The following AHDC1 variants were observed in gnomAD, a reference collection of about 807,000 sequenced individuals.
AHDC1 encodes the protein AT-hook DNA binding motif containing 1.
Under a neutral mutation model 87.9 loss-of-function variants are expected in AHDC1, and 7 were observed. The ratio of observed to expected loss-of-function variants is 0.08; its 90% CI spans 0.05 to 0.15. The LOEUF (loss-of-function observed/expected upper bound fraction) is 0.15, where lower values mean the gene tolerates loss of function less well. Ranked by LOEUF, AHDC1 falls within the 10% of genes least tolerant of loss-of-function variation. AHDC1 has a pLI of 1.00. For synonymous variants in AHDC1, 1,051 were observed against 1,006.8 expected (o/e 1.04, Z -0.83); for missense variants, 1,841 against 2,253.2 (o/e 0.82, Z 3.70).
intron 5 of AHDC1, among the ~76,000 whole-genome samples, chr1:27,555,059 T>C (rs145589608): frequency 3.3e-5 from 5 of 152,336 alleles, no homozygotes; most frequent in East Asian, 1.9e-4. Context: ...GTAACAATCC[T>C]TCAGCCACTT....
At position 27,561,085 on chromosome 1, in the gene AHDC1, C is replaced by T. The variant is rs540983260; in HGVS notation, c.-628-2202G>A. Among the ~76,000 whole-genome samples the T allele has an allele frequency of 1.3e-5, 2 of 152,304 alleles. No homozygotes were observed. Among genetic ancestry groups the T allele is most frequent in the South Asian group, 4.2e-4 (2 of 4,818 alleles). On this transcript the variant is annotated intron_variant, in intron 3 of 8. Transcript: ENST00000673934. The surrounding 1 kb of genome is among the most constrained non-coding windows in gnomAD (Gnocchi z 4.2). ...GCCTCCCTCCTCTGATCTGTCCCCC[C>T]TTTCCCTGTGGTTGGGTGGGCACAG...
intron 3 of AHDC1, among the ~76,000 whole-genome samples, chr1:27,578,247 A>C (rs1327520417): frequency 1.3e-5 from 2 of 152,168 alleles, no homozygotes; most frequent in East Asian, 3.9e-4. Context: ...AATTTTTATA[A>C]GGCTTATACA....
chr1:27,588,403 C>T (rs1206907846), intron 3 of AHDC1, among the ~76,000 whole-genome samples: 1 of 152,202 alleles, frequency 6.6e-6, no homozygotes, highest in Non-Finnish European at 1.5e-5. Flanking sequence ...ATCATCAATG[C>T]TCAATCAATA....
At position 27,549,602 on chromosome 1, in the gene AHDC1, G is replaced by A; in HGVS notation, c.2514C>T (p.Gly838=). 6.2e-7 allele frequency: 1 copy of A among 1,613,196 alleles called. No homozygotes were observed. The highest frequency in any genetic ancestry group is 8.5e-7 in the Non-Finnish European group (1 of 1,180,014). The change falls in exon 8 of 9, where the codon GGC becomes GGT. Residue 838 remains glycine, a synonymous_variant. Coordinates refer to ENST00000673934, the MANE Select transcript of AHDC1 (RefSeq NM_001371928.1). The part of the protein sequence containing the change: ...LSQERQNLFT[G]YFRSLLDSDD... ...CCGAATCGAGCAGCGAGCGAAAGTA[G>A]CCGGTGAAGAGGTTTTGGCGCTCCT...
rs1203744221 is a variant in AHDC1 at position 27,534,248 on chromosome 1, GTTTTTTTTTTTTGT to G, written c.*698_*711del. The G allele has an allele frequency of 1.8e-5, 2 of 113,666 alleles. No individual in the cohort carries two copies. Among genetic ancestry groups the G allele is most frequent in the Non-Finnish European group, 3.8e-5 (2 of 52,600 alleles). The allele number at this position is 113,666 out of a possible 1,614,324, so 7.0% of individuals were successfully genotyped here. On this transcript the variant is annotated 3_prime_UTR_variant, in exon 9 of 9. Transcript: ENST00000673934. Reference sequence around the variant, plus strand: ...CCCCCTTTCACAAGACACAAGGTTGGTTTTTTTTTTTTGTTTTTTTTTTGTTTTTTTTTTGCTTT... The same window carrying G: ...CCCCCTTTCACAAGACACAAGGTTGGTTTTTTTTTGTTTTTTTTTTGCTTT...
chr1:27,573,866 A>T (rs1312813098), intron 3 of AHDC1, among the ~76,000 whole-genome samples: 1 of 152,234 alleles, frequency 6.6e-6, no homozygotes, highest in Non-Finnish European at 1.5e-5. Context: ...ACTGAGGCTC[A>T]CAAGAGGTAG....
intron 3 of AHDC1, among the ~76,000 whole-genome samples, chr1:27,599,841 T>G (rs1185177218): frequency 6.6e-6 from 1 of 151,838 alleles, no homozygotes. Context: ...CCTGAAACAT[T>G]TGTTGAAAAC....
intron 3 of AHDC1, among the ~76,000 whole-genome samples, chr1:27,584,923 A>T (rs1164389022): frequency 6.6e-6 from 1 of 152,002 alleles, no homozygotes; most frequent in Non-Finnish European, 1.5e-5. Flanking sequence ...CTGTAATCTC[A>T]GCACTTTGGG....
At chr1:27,589,494 C>A (rs2089162755) in intron 3 of AHDC1, among the ~76,000 whole-genome samples, 1 of 152,256 alleles carries the variant, frequency 6.6e-6, no homozygotes, top group African/African-American at 2.4e-5. Flanking sequence ...GTGCCAGCAT[C>A]CTGCTGGACT....
At chr1:27,582,496 C>A (rs72886321) in intron 3 of AHDC1, among the ~76,000 whole-genome samples, 10,114 of 152,276 alleles carry the variant, frequency 0.066, 810 homozygotes, top group African/African-American at 0.2. Context: ...TGCCCCTTCT[C>A]TGATTCATTT....
rs908409288 is a variant in AHDC1, at chr1:27,549,984, C to T, written c.2132G>A (p.Gly711Glu). The stretch of plus-strand genomic sequence containing the variant: ...CTCAGTAAGGCCCGGGCCCCCGACC[C>T]CAGCGGCTGCCACGGCCACCACCTT... ...KKKVVAVAAA[G>E]VGGPGLTELG... Residue 711 changes from glycine (G) to glutamate (E), a missense_variant, in exon 8 of 9, where the codon GGG becomes GAG. Gly to Glu is a moderately conservative substitution (Grantham distance 98). Transcript: ENST00000673934. The T allele has an allele frequency of 1.2e-6, 2 of 1,602,332 alleles. No individual in the cohort carries two copies. The highest frequency in any genetic ancestry group is 1.7e-5 in the Admixed American group (1 of 58,938).
intron 3 of AHDC1, among the ~76,000 whole-genome samples, chr1:27,587,113 C>G (rs1197527610): frequency 6.6e-6 from 1 of 152,228 alleles, no homozygotes; most frequent in African/African-American, 2.4e-5. Flanking sequence ...GCTAGACCAA[C>G]CAACCCCTAG....
intron 3 of AHDC1, among the ~76,000 whole-genome samples, chr1:27,577,759 C>T (rs1269520972): frequency 1.3e-5 from 2 of 152,202 alleles, no homozygotes; most frequent in Non-Finnish European, 2.9e-5. Flanking sequence ...GTCCAGCTGC[C>T]ACCCTGCTCC....
intron 3 of AHDC1, among the ~76,000 whole-genome samples, chr1:27,576,671 G>T (rs2088760942): frequency 6.6e-6 from 1 of 152,196 alleles, no homozygotes; most frequent in Admixed American, 6.5e-5. Flanking sequence ...AAGCATTGCT[G>T]CTTCCCTCCT....
chr1:27,582,213 A>G (rs574638599), intron 3 of AHDC1, among the ~76,000 whole-genome samples: 6 of 152,364 alleles, frequency 3.9e-5, no homozygotes, highest in African/African-American at 1.4e-4. Context: ...GGAACAGAAC[A>G]GCGAATCCCA....
intron 3 of AHDC1, among the ~76,000 whole-genome samples, chr1:27,580,605 G>A (rs1044201702): frequency 3.3e-5 from 5 of 152,164 alleles, no homozygotes; most frequent in African/African-American, 1.2e-4. Flanking sequence ...GACTGGGCAA[G>A]CCACTTCATC....
intron 3 of AHDC1, among the ~76,000 whole-genome samples, chr1:27,601,863 CG>C (rs2089536819): frequency 6.6e-6 from 1 of 152,192 alleles, no homozygotes; most frequent in Non-Finnish European, 1.5e-5. Context: ...CCCGCCCAGC[CG>C]GCGGCGACAG....
intron 3 of AHDC1, among the ~76,000 whole-genome samples, chr1:27,571,614 G>T (rs1359394628): frequency 6.6e-6 from 1 of 152,128 alleles, no homozygotes; most frequent in Admixed American, 6.5e-5. Context: ...CCAAGGAGGG[G>T]GGGGTGGCTG....
At chr1:27,567,762 G>C (rs564397311) in intron 3 of AHDC1, among the ~76,000 whole-genome samples, 265 of 152,302 alleles carry the variant, frequency 1.7e-3, no homozygotes, top group African/African-American at 6.2e-3. Flanking sequence ...TGCCCCTTTG[G>C]CTTGCAAAAG....
Sources: gnomAD v4.1 joint callset for allele counts (sites outside exome capture counted in the v4.1 genomes callset) on GRCh38, gnomAD v4.1.1 for gene constraint, Gnocchi (gnomAD v3.1) non-coding constraint, MANE v1.5 for transcripts, NCBI Gene and HGNC (gene_info 2026-07-23, HGNC 2026-07-21) for gene names.